The following PCDHA6 variants were observed in gnomAD, a reference collection of about 807,000 sequenced individuals.
The protein encoded by PCDHA6 is protocadherin alpha-6.
Under a neutral mutation model 60.3 loss-of-function variants are expected in PCDHA6, and 55 were observed. That is an observed-to-expected ratio of 0.91 (90% CI 0.73 to 1.14). The LOEUF (loss-of-function observed/expected upper bound fraction) is 1.14, where lower values mean the gene tolerates loss of function less well. PCDHA6 is among the 50% of genes most tolerant of loss of function. The pLI, the probability that PCDHA6 is intolerant of heterozygous loss-of-function variation, is 0.00. For missense variants in PCDHA6, 1,327 were observed against 1,256.5 expected, an observed-to-expected ratio of 1.06 and a Z score of -0.85; for synonymous variants, 652 against 557.9, an observed-to-expected ratio of 1.17 and a Z score of -2.38.
intron 1 of PCDHA6, among the ~76,000 whole-genome samples, chr5:140,901,976 T>C (rs1470395593): frequency 6.6e-6 from 1 of 152,164 alleles, no homozygotes; most frequent in African/African-American, 2.4e-5. Context: ...ATGGGATTAC[T>C]TTTTAATTTC....
At chr5:140,867,855 G>A (rs1340065029) in intron 1 of PCDHA6, 1 of 152,094 alleles carries the variant, frequency 6.6e-6, no homozygotes, top group South Asian at 2.1e-4. Context: ...TAGTTGAATT[G>A]TTTGATTAAT....
intron 1 of PCDHA6, chr5:140,884,339 G>A (rs1178682525): frequency 6.2e-7 from 1 of 1,613,788 alleles, no homozygotes; most frequent in Non-Finnish European, 8.5e-7. Context: ...GGGTCCAGAA[G>A]CGGCGCTGGT....
intron 1 of PCDHA6, chr5:140,848,167 C>A (rs1554142004): frequency 3.9e-6 from 1 of 254,352 alleles, no homozygotes; most frequent in African/African-American, 2.2e-5. Context: ...TAAGAAGGCT[C>A]CAGCAAGAGA....
intron 1 of PCDHA6, among the ~76,000 whole-genome samples, chr5:140,901,744 A>G (rs781984509): frequency 1.3e-5 from 2 of 152,144 alleles, no homozygotes; most frequent in Non-Finnish European, 2.9e-5. Context: ...AAGAATGTCC[A>G]TGGTATTTTG....
chr5:140,901,546 T>C (rs2068734079), intron 1 of PCDHA6, among the ~76,000 whole-genome samples: 1 of 152,212 alleles, frequency 6.6e-6, no homozygotes, highest in Non-Finnish European at 1.5e-5. Flanking sequence ...TCTATTCTGT[T>C]CCATTCATCT....
chr5:140,837,634 T>A (rs918973848), intron 1 of PCDHA6, among the ~76,000 whole-genome samples: 4 of 134,932 alleles, frequency 3.0e-5, no homozygotes, highest in Admixed American at 1.4e-4. Context: ...CCTTCCTTCC[T>A]TTCTTTCTTT....
At chr5:140,956,565 A>G (rs190736286) in intron 1 of PCDHA6, among the ~76,000 whole-genome samples, 2 of 152,284 alleles carry the variant, frequency 1.3e-5, no homozygotes, top group Non-Finnish European at 2.9e-5. Flanking sequence ...TATCTTATTG[A>G]GGATTTTTGC....
chr5:140,933,753 G>A (rs1554209575), intron 1 of PCDHA6, among the ~76,000 whole-genome samples: 1 of 151,976 alleles, frequency 6.6e-6, no homozygotes. Context: ...GAATTCACTA[G>A]TGAAGCTCTC....
At chr5:140,883,635 C>T (rs997170789) in intron 1 of PCDHA6, 1 of 1,613,182 alleles carries the variant, frequency 6.2e-7, no homozygotes, top group Non-Finnish European at 8.5e-7. Flanking sequence ...CCGGCGTTCG[C>T]GCAGCCCGAG....
At chr5:141,005,701 CAAA>C (rs59860837) in intron 3 of PCDHA6, among the ~76,000 whole-genome samples, 30 of 7,778 alleles carry the variant, frequency 3.9e-3, no homozygotes, top group African/African-American at 0.012. Context: ...AACTCCGTCT[CAAA>C]AAAAAAAAAA....
chr5:140,881,106 C>T (rs1233394839), intron 1 of PCDHA6, among the ~76,000 whole-genome samples: 1 of 152,114 alleles, frequency 6.6e-6, no homozygotes, highest in Non-Finnish European at 1.5e-5. Context: ...CACCATTTGG[C>T]CTGGGATTTT....
rs943336645 is a variant in PCDHA6 at position 140,847,564 on chromosome 5, G to A, written c.2394+17079G>A. On this transcript the variant is annotated intron_variant, in intron 1 of 3. Coordinates refer to ENST00000529310, the MANE Select transcript of PCDHA6 (RefSeq NM_018909.4). ...TAGCTTTAAAAACAGAAATTGCCCC[G>A]AGTACTAAGGATGAGCAATAATGAA... The A allele has an allele frequency of 3.3e-5, 5 of 149,268 alleles. 1 individual carries two copies. The highest frequency in any genetic ancestry group is 1.3e-4 in the Admixed American group (2 of 14,886). The allele number at this position is 149,268 out of a possible 1,614,324, so 9.2% of individuals were successfully genotyped here. A position where few individuals can be genotyped will look rare whatever the true frequency, so the allele number is the denominator to read the frequency against.
At chr5:140,858,549 G>C in intron 1 of PCDHA6, 1 of 1,394,430 alleles carries the variant, frequency 7.2e-7, no homozygotes, top group South Asian at 1.2e-5. Context: ...TTCCATTTAT[G>C]CTTGAATATT....
rs1382379376 is a variant in PCDHA6, at chr5:140,858,936, T to A, written c.2394+28451T>A. On this transcript the variant is annotated intron_variant, in intron 1 of 3. Transcript: ENST00000529310. ...TATACTGCCATAGTAGATTTCAATG[T>A]TCAGTGATTACAGCTTTTTCTCAAT... The A allele has an allele frequency of 1.2e-5, 2 of 160,734 alleles. 1 individual carries two copies. Among genetic ancestry groups the A allele is most frequent in the Non-Finnish European group, 2.7e-5 (2 of 74,452 alleles). The allele number at this position is 160,734 out of a possible 1,614,324, so 10.0% of individuals were successfully genotyped here.
At chr5:140,858,322 T>C in intron 1 of PCDHA6, 2 of 1,596,852 alleles carry the variant, frequency 1.3e-6, no homozygotes, top group South Asian at 2.2e-5. Flanking sequence ...GGGTGTGTTC[T>C]GGGGAGGGCC....
At position 140,852,858 on chromosome 5, in the gene PCDHA6, A is replaced by G; in HGVS notation, c.2394+22373A>G. ...TAGAGCTAGTACTTACTAAGCATTT[A>G]CTATGTCATCAATAATCATAAAACG... On this transcript the variant is annotated intron_variant, in intron 1 of 3. Transcript: ENST00000529310. 4 of 962,678 alleles carry G rather than the reference A, an allele frequency of 4.2e-6. 1 individual carries two copies. The highest frequency in any genetic ancestry group is 5.0e-6 in the Non-Finnish European group (4 of 796,824). The allele number at this position is 962,678 out of a possible 1,614,324, so 59.6% of individuals were successfully genotyped here. A position where few individuals can be genotyped will look rare whatever the true frequency, so the allele number is the denominator to read the frequency against.
intron 1 of PCDHA6, chr5:140,857,412 C>A: frequency 1.3e-6 from 2 of 1,598,338 alleles, no homozygotes; most frequent in Non-Finnish European, 1.7e-6. Context: ...CCTGCGTTCG[C>A]GCAGTCCGAG....
chr5:140,867,911 T>C (rs2050196676), intron 1 of PCDHA6: 1 of 152,134 alleles, frequency 6.6e-6, no homozygotes. Context: ...GAAGGTATAA[T>C]TAAAAATCAC....
chr5:140,968,979 G>A (rs782482075), intron 1 of PCDHA6: 6 of 1,614,042 alleles, frequency 3.7e-6, no homozygotes, highest in South Asian at 3.3e-5. Context: ...ACTGCGTATG[G>A]CACTGCATGC....
Sources: gnomAD v4.1 joint callset for allele counts (sites outside exome capture counted in the v4.1 genomes callset) on GRCh38, gnomAD v4.1.1 for gene constraint, MANE v1.5 for transcripts, NCBI Gene and HGNC (gene_info 2026-07-23, HGNC 2026-07-21) for gene names.